PRRC2B: variants seen among roughly 807,000 people sequenced by gnomAD.
PRRC2B encodes the protein protein PRRC2B.
PRRC2B carries 68 observed loss-of-function variants against 242.3 expected under a neutral mutation model. That is an observed-to-expected ratio of 0.28 (90% CI 0.23 to 0.34). The LOEUF (loss-of-function observed/expected upper bound fraction) is 0.34, where lower values mean the gene tolerates loss of function less well. PRRC2B is among the 10% of genes least tolerant of loss of function. PRRC2B has a pLI of 1.00. For missense variants in PRRC2B, 2,835 were observed against 2,954.8 expected (o/e 0.96, Z 0.94); for synonymous variants, 1,228 against 1,173.6 (o/e 1.05, Z -0.95).
chr9:131,430,125 C>G lies in PRRC2B; in HGVS notation c.-20C>G. ...AGCGGTGCCGAGAAAAATTTCCTTA[C>G]TAGATGACATTTCATCGCAATGTCC... On this transcript the variant is annotated 5_prime_UTR_variant, in exon 2 of 32. Transcript: ENST00000683519. 2.7e-6 allele frequency: 4 copies of G among 1,480,586 alleles called. No individual in the cohort carries two copies. Among genetic ancestry groups the G allele is most frequent in the Non-Finnish European group, 3.7e-6 (4 of 1,077,546 alleles). The allele number at this position is 1,480,586 out of a possible 1,614,324, so 91.7% of individuals were successfully genotyped here.
chr9:131,423,941 G>GT (rs561661956), intron 1 of PRRC2B, among the ~76,000 whole-genome samples: 53,234 of 146,902 alleles, frequency 0.36, 10,883 homozygotes, highest in East Asian at 0.83. Context: ...TTTCTGCTAC[G>GT]TTTTTTTTTT....
In PRRC2B at chr9:131,459,361, C is replaced by T. The variant is rs767940350; in HGVS notation, c.1404+5C>T. The stretch of plus-strand genomic sequence containing the variant: ...GCACCAGGCCCTGACTACCAGGTAC[C>T]AAGGGCCCTTGGCTGTCCTGTGTAT... On this transcript the variant is annotated splice_donor_5th_base_variant and intron_variant, in intron 11 of 31. Transcript: ENST00000683519. The T allele has an allele frequency of 2.5e-6, 4 of 1,610,742 alleles. No individual in the cohort carries two copies. Among genetic ancestry groups the T allele is most frequent in the African/African-American group, 1.3e-5 (1 of 74,976 alleles).
At chr9:131,375,663 AT>A (rs1836674413) in intron 1 of PRRC2B, among the ~76,000 whole-genome samples, 1 of 152,120 alleles carries the variant, frequency 6.6e-6, no homozygotes, top group Non-Finnish European at 1.5e-5. Context: ...AAGCATGCAC[AT>A]TTTACCTTAT....
At chr9:131,416,053 C>T (rs529904038) in intron 1 of PRRC2B, among the ~76,000 whole-genome samples, 1 of 151,540 alleles carries the variant, frequency 6.6e-6, no homozygotes, top group Non-Finnish European at 1.5e-5. Flanking sequence ...ATTATCCCAT[C>T]GCTCATTTTC....
chr9:131,404,853 A>G (rs1342697036), intron 1 of PRRC2B, among the ~76,000 whole-genome samples: 1 of 152,206 alleles, frequency 6.6e-6, no homozygotes. Flanking sequence ...AATATTACAC[A>G]ATTTTGGTCA....
At chr9:131,485,729 G>A (rs759825543) in intron 25 of PRRC2B, 2 of 574,018 alleles carry the variant, frequency 3.5e-6, no homozygotes, top group Non-Finnish European at 6.7e-6. Flanking sequence ...GCAGGGAGAT[G>A]AAGAGGACAG....
chr9:131,495,072 G>C (rs139367432), intron 31 of PRRC2B, among the ~76,000 whole-genome samples: 219 of 152,248 alleles, frequency 1.4e-3, no homozygotes, highest in African/African-American at 4.8e-3. Context: ...GCTCTCATTG[G>C]TTCCCCTAGG....
intron 11 of PRRC2B, among the ~76,000 whole-genome samples, chr9:131,463,030 T>C (rs1943288482): frequency 6.6e-6 from 1 of 152,054 alleles, no homozygotes; most frequent in African/African-American, 2.4e-5. Context: ...GCGTGAAGGC[T>C]ATGTGCAGTG....
At chr9:131,467,439 G>T in intron 12 of PRRC2B, 124 bp from the exon 13 acceptor site, 1 of 837,574 alleles carries the variant, frequency 1.2e-6, no homozygotes, top group South Asian at 1.8e-5. Context: ...CCAGGGTTCA[G>T]GGACGTGACT....
In PRRC2B at chr9:131,488,110, T is replaced by C; in HGVS notation, c.6225+14T>C. On this transcript the variant is annotated intron_variant, in intron 28 of 31. Transcript: ENST00000683519. ...CAGCTCCCACAGGTCAGGAATTCAG[T>C]CACTCTACCCAAAGCCCTAGGCTTC... 6.2e-7 allele frequency: 1 copy of C among 1,610,292 alleles called. No individual in the cohort carries two copies. Among genetic ancestry groups the C allele is most frequent in the South Asian group, 1.1e-5 (1 of 90,758 alleles).
At chr9:131,388,735 G>A (rs1251055152) in intron 1 of PRRC2B, among the ~76,000 whole-genome samples, 2 of 149,916 alleles carry the variant, frequency 1.3e-5, no homozygotes, top group Admixed American at 6.9e-5. Flanking sequence ...ATAGAGACAG[G>A]GTTTCACCAT....
intron 3 of PRRC2B, among the ~76,000 whole-genome samples, chr9:131,433,672 T>A (rs189961230): frequency 4.6e-5 from 7 of 152,338 alleles, no homozygotes; most frequent in Admixed American, 1.3e-4. Context: ...AGCGCCCTCC[T>A]GGCCTGCATC....
chr9:131,381,940 G>A (rs183521341), intron 1 of PRRC2B, among the ~76,000 whole-genome samples: 14 of 151,706 alleles, frequency 9.2e-5, no homozygotes, highest in African/African-American at 2.7e-4. Context: ...GGGTTTCACC[G>A]TGTGGGCCAG....
In PRRC2B at chr9:131,496,627, A is replaced by AGGGGGGGGGGGGGGGGGGG. The variant is rs11448032; in HGVS notation, c.*762_*763insGGGGGGGGGGGGGGGGGGG. The stretch of plus-strand genomic sequence containing the variant: ...CTCAGAGCAGCAGGCAGGTTGGGGG[A>AGGGGGGGGGGGGGGGGGGG]GGGGGGGGGTCATAGTTGGGTTCCA... On this transcript the variant is annotated 3_prime_UTR_variant, in exon 32 of 32. Coordinates refer to ENST00000683519, the MANE Select transcript of PRRC2B (RefSeq NM_013318.4). 7.0e-6 allele frequency: 1 copy of AGGGGGGGGGGGGGGGGGGG among 142,636 alleles called. No homozygotes were observed. Among genetic ancestry groups the AGGGGGGGGGGGGGGGGGGG allele is most frequent in the Non-Finnish European group, 1.5e-5 (1 of 65,558 alleles). 8.8% of individuals were successfully genotyped at this position (142,636 alleles called of 1,614,324 possible). A position where few individuals can be genotyped will look rare whatever the true frequency, so the allele number is the denominator to read the frequency against.
intron 11 of PRRC2B, among the ~76,000 whole-genome samples, chr9:131,462,250 T>A (rs1305263290): frequency 2.6e-5 from 4 of 152,140 alleles, no homozygotes; most frequent in African/African-American, 9.7e-5. Flanking sequence ...CCTCACTTTG[T>A]CATTCATGCT....
chr9:131,392,462 C>T (rs980885314), upstream of PRRC2B, among the ~76,000 whole-genome samples: 2 of 152,096 alleles, frequency 1.3e-5, no homozygotes, highest in Non-Finnish European at 2.9e-5. Flanking sequence ...TATTTGCCTT[C>T]TATCATTTTT....
intron 6 of PRRC2B, among the ~76,000 whole-genome samples, 176 bp downstream of exon 6, chr9:131,444,504 G>T (rs1414035177): frequency 6.6e-6 from 1 of 152,194 alleles, no homozygotes. Flanking sequence ...TAGGCCATTG[G>T]ATTGGGCCTT....
Position 131,470,876 on chromosome 9 carries a change from T to C in PRRC2B, c.2000T>C (p.Met667Thr). The change falls in exon 14 of 32, where the codon ATG becomes ACG. Residue 667 changes from methionine (M) to threonine (T), a missense_variant. This residue lies in a region of PRRC2B where 1,536 missense variants were observed against 1,483.1 expected (regional missense o/e 1.04). Coordinates refer to ENST00000683519, the MANE Select transcript of PRRC2B (RefSeq NM_013318.4). ...QRTFYPHHPQMLGFDPRWMMM... is the reference protein window; with the variant it reads ...QRTFYPHHPQTLGFDPRWMMM... ...ACCTTTTACCCACACCACCCCCAGA[T>C]GTTGGGCTTCGATCCCAGGTGGATG... is the stretch of plus-strand genomic sequence containing the variant. 6.4e-7 allele frequency: 1 copy of C among 1,553,290 alleles called. No homozygotes were observed. Among genetic ancestry groups the C allele is most frequent in the Non-Finnish European group, 8.8e-7 (1 of 1,138,212 alleles).
At chr9:131,392,329 C>T (rs899631985), upstream of PRRC2B, among the ~76,000 whole-genome samples, 1 of 151,650 alleles carries the variant, frequency 6.6e-6, no homozygotes, top group Non-Finnish European at 1.5e-5. Flanking sequence ...GAACTCCTGA[C>T]CGCATGATCC....
Sources: gnomAD v4.1 joint callset for allele counts (sites outside exome capture counted in the v4.1 genomes callset) on GRCh38, gnomAD v4.1.1 for gene constraint, gnomAD v4.1.1 regional missense constraint, MANE v1.5 for transcripts, NCBI Gene and HGNC (gene_info 2026-07-23, HGNC 2026-07-21) for gene names.